The following LRRIQ3 variants were observed in gnomAD, a reference collection of about 807,000 sequenced individuals.
The protein encoded by LRRIQ3 is leucine-rich repeat and IQ domain-containing protein 3.
LRRIQ3 carries 75 observed loss-of-function variants against 59.3 expected under a neutral mutation model. The ratio of observed to expected loss-of-function variants is 1.26; its 90% confidence interval spans 1.05 to 1.53. The LOEUF (loss-of-function observed/expected upper bound fraction) is 1.53. LRRIQ3 is among the 40% of genes most tolerant of loss of function. The pLI is 0.00. For missense variants in LRRIQ3, 831 were observed against 710.0 expected (o/e 1.17, Z -1.94); for synonymous variants, 250 against 231.3 (o/e 1.08, Z -0.73).
chr1:74,196,135 A>G (rs1313148992), intron 1 of LRRIQ3, among the ~76,000 whole-genome samples: 1 of 152,162 alleles, frequency 6.6e-6, no homozygotes, highest in African/African-American at 2.4e-5. Context: ...GAGAAAAAAT[A>G]ATATCCAATT....
At position 74,060,775 on chromosome 1, in the gene LRRIQ3, G is replaced by A. The variant is rs532722871; in HGVS notation, c.997+13886C>T. ...AAGGGACCAGGACATCAGGAAGACC[G>A]GTGCACTCCAAGCAGATCTTCAGAA... is the stretch of plus-strand genomic sequence containing the variant. On this transcript the variant is annotated intron_variant, in intron 6 of 7. Coordinates refer to ENST00000354431, the MANE Select transcript of LRRIQ3 (RefSeq NM_001105659.2). Among the ~76,000 whole-genome samples the A allele has an allele frequency of 7.2e-5, 11 of 152,126 alleles. 1 individual carries two copies. Among genetic ancestry groups the A allele is most frequent in the African/African-American group, 2.2e-4 (9 of 41,508 alleles).
chr1:74,166,749 C>T (rs181766082), intron 3 of LRRIQ3, among the ~76,000 whole-genome samples: 1 of 151,696 alleles, frequency 6.6e-6, no homozygotes, highest in South Asian at 2.1e-4. Context: ...TTCAGTTAAC[C>T]ATTTCTTTAT....
intron 1 of LRRIQ3, among the ~76,000 whole-genome samples, chr1:74,194,210 A>G (rs530605756): frequency 1.3e-5 from 2 of 152,222 alleles, no homozygotes; most frequent in African/African-American, 4.8e-5. Flanking sequence ...GGTTGTCTCT[A>G]AAAATAAAAA....
intron 4 of LRRIQ3, among the ~76,000 whole-genome samples, chr1:74,146,043 T>C (rs1017896819): frequency 6.6e-6 from 1 of 152,158 alleles, no homozygotes; most frequent in Non-Finnish European, 1.5e-5. Flanking sequence ...TACAATTGCC[T>C]ATAAAATTTA....
At chr1:74,175,481 C>T (rs753706068) in intron 3 of LRRIQ3, among the ~76,000 whole-genome samples, 75 of 152,256 alleles carry the variant, frequency 4.9e-4, no homozygotes, top group Non-Finnish European at 8.8e-4. Context: ...CTCAGACTCT[C>T]CTTCCCCCAC....
intron 3 of LRRIQ3, among the ~76,000 whole-genome samples, chr1:74,164,861 A>G (rs962351852): frequency 4.6e-5 from 7 of 151,476 alleles, no homozygotes; most frequent in African/African-American, 1.7e-4. Flanking sequence ...AGGAGTTTTG[A>G]TGTTATTGGT....
At chr1:74,113,387 T>A (rs1218102828) in intron 4 of LRRIQ3, among the ~76,000 whole-genome samples, 4 of 152,012 alleles carry the variant, frequency 2.6e-5, no homozygotes, top group African/African-American at 9.7e-5. Context: ...CTAAAAATTC[T>A]AAAACTTGAT....
intron 5 of LRRIQ3, chr1:74,084,116 G>A: frequency 1.7e-5 from 26 of 1,512,608 alleles, no homozygotes; most frequent in Non-Finnish European, 2.3e-5. Flanking sequence ...TCATCCTGTT[G>A]TCCAATGAAT....
chr1:74,070,431 C>G (rs1055298770), intron 6 of LRRIQ3, among the ~76,000 whole-genome samples: 1 of 151,770 alleles, frequency 6.6e-6, no homozygotes, highest in Admixed American at 6.6e-5. Context: ...ACATCAAGTA[C>G]ATATGGATAC....
chr1:74,128,175 T>C (rs1294944001), intron 4 of LRRIQ3, among the ~76,000 whole-genome samples: 1 of 152,074 alleles, frequency 6.6e-6, no homozygotes, highest in African/African-American at 2.4e-5. Flanking sequence ...AGGTGTTTGA[T>C]TATTAAATAC....
intron 6 of LRRIQ3, among the ~76,000 whole-genome samples, chr1:74,067,640 T>C (rs946253435): frequency 2.0e-5 from 3 of 152,128 alleles, no homozygotes; most frequent in African/African-American, 7.2e-5. Context: ...TTTGGAGTCA[T>C]ATGTAGTTTT....
intron 6 of LRRIQ3, among the ~76,000 whole-genome samples, chr1:74,052,231 T>G (rs1654392599): frequency 2.6e-5 from 4 of 152,142 alleles, no homozygotes; most frequent in Non-Finnish European, 4.4e-5. Context: ...AAACAGTGCT[T>G]TGGATCTAAC....
intron 6 of LRRIQ3, among the ~76,000 whole-genome samples, chr1:74,062,948 T>C (rs1654765236): frequency 6.6e-6 from 1 of 152,066 alleles, no homozygotes; most frequent in African/African-American, 2.4e-5. Context: ...AATTTATATA[T>C]GTAGTAAACA....
Position 74,182,728 on chromosome 1 carries a change from G to A in LRRIQ3, c.383C>T (p.Thr128Ile). The A allele has an allele frequency of 6.2e-7, 1 of 1,612,648 alleles. No individual in the cohort carries two copies. ...AAGGCTTACTGGACAATCAAACATAGTGAGGGCAATGAGGGTTGGACAGGC... is the reference window on the plus strand; with the variant it reads ...AAGGCTTACTGGACAATCAAACATAATGAGGGCAATGAGGGTTGGACAGGC... The part of the protein sequence containing the change: ...LSACPTLIAL[T>I]MFDCPVSLKK... The change falls in exon 3 of 8, where the codon ACT becomes ATT. Residue 128 changes from threonine (T) to isoleucine (I), a missense_variant. Coordinates refer to ENST00000354431, the MANE Select transcript of LRRIQ3 (RefSeq NM_001105659.2).
intron 6 of LRRIQ3, among the ~76,000 whole-genome samples, chr1:74,057,357 G>C (rs1654567306): frequency 1.3e-5 from 2 of 151,978 alleles, no homozygotes; most frequent in South Asian, 4.2e-4. Context: ...TACTAAAACG[G>C]TATAGTAACC....
chr1:74,172,281 T>G (rs1226486556), intron 3 of LRRIQ3, among the ~76,000 whole-genome samples: 2 of 152,200 alleles, frequency 1.3e-5, no homozygotes, highest in Non-Finnish European at 2.9e-5. Context: ...TGGTAGGTTG[T>G]GTTTTCACAA....
intron 3 of LRRIQ3, among the ~76,000 whole-genome samples, chr1:74,163,056 T>A (rs370579945): frequency 9.2e-5 from 14 of 151,640 alleles, no homozygotes; most frequent in African/African-American, 3.4e-4. Flanking sequence ...CTAACTATGC[T>A]GATTGGATCA....
chr1:74,079,209 C>T (rs566179659), intron 5 of LRRIQ3, among the ~76,000 whole-genome samples: 5 of 151,820 alleles, frequency 3.3e-5, no homozygotes, highest in African/African-American at 7.2e-5. Context: ...GTCCTTTCTA[C>T]GAGGTATAGA....
chr1:74,183,835 C>G, intron 1 of LRRIQ3, 151 bp from the exon 2 acceptor site: 2 of 579,632 alleles, frequency 3.5e-6, no homozygotes, highest in Non-Finnish European at 5.5e-6. Context: ...CTTTCTATCC[C>G]AAAATAACTT....
Sources: allele counts gnomAD v4.1 joint callset (sites outside exome capture counted in the v4.1 genomes callset), GRCh38; gene constraint gnomAD v4.1.1; transcripts MANE v1.5; gene names NCBI Gene and HGNC (gene_info 2026-07-23, HGNC 2026-07-21).